PHC2: variants seen among roughly 807,000 people sequenced by gnomAD.
PHC2 encodes polyhomeotic-like protein 2.
Under a neutral mutation model 87.4 loss-of-function variants are expected in PHC2, and 29 were observed. The ratio of observed to expected loss-of-function variants is 0.33; its 90% CI spans 0.25 to 0.45. PHC2 has a LOEUF of 0.45. Ranked by LOEUF, PHC2 falls within the 20% of genes least tolerant of loss-of-function variation. PHC2 has a pLI of 1.00. For missense variants in PHC2, 857 were observed against 1,136.7 expected (o/e 0.75, Z 3.54); for synonymous variants, 438 against 461.7 (o/e 0.95, Z 0.66).
At position 33,382,021 on chromosome 1, in the gene PHC2, C is replaced by T. The variant is rs1648518293; in HGVS notation, c.-54-6428G>A. On this transcript the variant is annotated intron_variant, in intron 1 of 14. Transcript: ENST00000683057. This position sits in a 1 kb window ranked among gnomAD's most constrained non-coding sequence, Gnocchi z 4.3. ...TGCCCGCATGGTGGTGGTGACTTAT[C>T]AACGAGAGAGGTGAAGTTTGCCCTG... is the stretch of plus-strand genomic sequence containing the variant. 6.6e-6 allele frequency among the ~76,000 whole-genome samples: 1 copy of T among 152,014 alleles called. No individual in the cohort carries two copies. Among genetic ancestry groups the T allele is most frequent in the African/African-American group, 2.4e-5 (1 of 41,356 alleles).
chr1:33,343,738 G>GC (rs1347883071), intron 9 of PHC2, among the ~76,000 whole-genome samples: 2 of 152,146 alleles, frequency 1.3e-5, no homozygotes, highest in African/African-American at 4.8e-5. Context: ...GCCTCTTACA[G>GC]CCCCAGAGCA....
chr1:33,408,425 T>C (rs1175882544), intron 1 of PHC2, among the ~76,000 whole-genome samples: 2 of 150,026 alleles, frequency 1.3e-5, no homozygotes, highest in African/African-American at 5.0e-5. Flanking sequence ...GAAGATTAGA[T>C]ACCCTTTCTG....
chr1:33,416,455 A>C (rs1393423667), intron 1 of PHC2, among the ~76,000 whole-genome samples: 3 of 151,864 alleles, frequency 2.0e-5, no homozygotes, highest in Admixed American at 2.0e-4. Flanking sequence ...AGGCACCTGT[A>C]GTCCCAGCTA....
At chr1:33,393,004 ACATGCT>A (rs1649134117) in intron 1 of PHC2, among the ~76,000 whole-genome samples, 2 of 152,170 alleles carry the variant, frequency 1.3e-5, no homozygotes, top group African/African-American at 4.8e-5. Context: ...GAAGCCAGGC[ACATGCT>A]TCAGATAGCA....
At chr1:33,415,969 A>T (rs1650185116) in intron 1 of PHC2, among the ~76,000 whole-genome samples, 1 of 152,144 alleles carries the variant, frequency 6.6e-6, no homozygotes. Context: ...TGAGGCACAG[A>T]GACACAGGAG....
intron 1 of PHC2, among the ~76,000 whole-genome samples, chr1:33,414,151 G>A (rs1650100101): frequency 6.8e-6 from 1 of 146,530 alleles, no homozygotes. Flanking sequence ...CATGCATCAT[G>A]TTTACATATG....
chr1:33,378,818 A>G (rs1324729345), intron 1 of PHC2, among the ~76,000 whole-genome samples: 1 of 152,044 alleles, frequency 6.6e-6, no homozygotes, highest in Non-Finnish European at 1.5e-5. Flanking sequence ...TGGAAAAATA[A>G]TATTTATTTG....
chr1:33,394,566 T>TTTA (rs903744530), intron 1 of PHC2, among the ~76,000 whole-genome samples: 32 of 152,194 alleles, frequency 2.1e-4, no homozygotes, highest in African/African-American at 7.5e-4. Context: ...ATGTTTTTAT[T>TTTA]TTATTATTAT....
intron 1 of PHC2, among the ~76,000 whole-genome samples, chr1:33,416,078 G>C (rs1042612896): frequency 6.6e-6 from 1 of 152,162 alleles, no homozygotes; most frequent in African/African-American, 2.4e-5. Flanking sequence ...GAGATGTGGG[G>C]AGGAAGGGAA....
rs78590355 is a variant in PHC2, at chr1:33,324,456, G to A, written c.*409C>T. 6.4e-3 allele frequency: 1,022 copies of A among 158,648 alleles called. 26 individuals carry two copies. The highest frequency in any genetic ancestry group is 0.023 in the African/African-American group (946 of 41,858). The allele number at this position is 158,648 out of a possible 1,614,324, so 9.8% of individuals were successfully genotyped here. A position where few individuals can be genotyped will look rare whatever the true frequency, so the allele number is the denominator to read the frequency against. ...ACCAGGCCTGGAGAAAGAAGTGGGA[G>A]GAAGGAAGGCAAGGGCTTTCTAGGC... On this transcript the variant is annotated 3_prime_UTR_variant, in exon 15 of 15. Coordinates refer to ENST00000683057, the MANE Select transcript of PHC2 (RefSeq NM_001385109.1).
rs150545597 is a variant in PHC2 at position 33,335,908 on chromosome 1, A to AG, written c.1559-1617dup. Reference sequence around the variant, plus strand: ...GAGCAAGACTCTATCTTGGGGGGGGAGGGGGGGAAAGAAAAGATGGTTTAT... The same window carrying AG: ...GAGCAAGACTCTATCTTGGGGGGGGAGGGGGGGGAAAGAAAAGATGGTTTAT... On this transcript the variant is annotated intron_variant, in intron 9 of 14. Coordinates refer to ENST00000683057, the MANE Select transcript of PHC2 (RefSeq NM_001385109.1). Among the ~76,000 whole-genome samples the AG allele has an allele frequency of 6.7e-3, 850 of 126,428 alleles. 9 individuals carry two copies. Among genetic ancestry groups the AG allele is most frequent in the African/African-American group, 0.024 (785 of 32,312 alleles). 82.9% of individuals were successfully genotyped at this position (126,428 alleles called of 152,430 possible).
At chr1:33,329,941 T>C in intron 13 of PHC2, 130 bp downstream of exon 13, 4 of 1,000,294 alleles carry the variant, frequency 4.0e-6, no homozygotes, top group African/African-American at 1.6e-5. Context: ...ACTGGACAGG[T>C]CTACAAGGAA....
intron 1 of PHC2, among the ~76,000 whole-genome samples, chr1:33,421,246 G>A (rs1223614475): frequency 4.6e-5 from 7 of 152,114 alleles, no homozygotes; most frequent in Non-Finnish European, 7.3e-5. Context: ...TACAATTCTG[G>A]TATGCATATC....
At chr1:33,340,283 A>G (rs891381710) in intron 9 of PHC2, among the ~76,000 whole-genome samples, 10 of 152,228 alleles carry the variant, frequency 6.6e-5, no homozygotes, top group Non-Finnish European at 1.2e-4. Context: ...AATGGCAAAC[A>G]AGGTCACCTA....
chr1:33,336,280 C>T (rs1019540646), intron 9 of PHC2, among the ~76,000 whole-genome samples: 31 of 151,994 alleles, frequency 2.0e-4, no homozygotes, highest in African/African-American at 5.6e-4. Flanking sequence ...TGAGCCACCG[C>T]GCCCAGCCTC....
chr1:33,348,239 A>G (rs1570468573), intron 9 of PHC2, among the ~76,000 whole-genome samples: 2 of 151,686 alleles, frequency 1.3e-5, no homozygotes, highest in Non-Finnish European at 2.9e-5. Context: ...ATCCTAATCA[A>G]TAGGGTCTGC....
intron 14 of PHC2, among the ~76,000 whole-genome samples, chr1:33,328,599 T>C (rs2148186827): frequency 6.6e-6 from 1 of 152,268 alleles, no homozygotes; most frequent in South Asian, 2.1e-4. Flanking sequence ...AGAGAGACAG[T>C]TAATTACATT....
Position 33,349,913 on chromosome 1 carries a change from C to A in PHC2, c.1558+4488G>T. 1 of 955,804 alleles carries A rather than the reference C, an allele frequency of 1.0e-6. No individual in the cohort carries two copies. 59.2% of individuals were successfully genotyped at this position (955,804 alleles called of 1,614,324 possible). A position where few individuals can be genotyped will look rare whatever the true frequency, so the allele number is the denominator to read the frequency against. On this transcript the variant is annotated intron_variant, in intron 9 of 14. Coordinates refer to ENST00000683057, the MANE Select transcript of PHC2 (RefSeq NM_001385109.1). The surrounding 1 kb of genome is among the most constrained non-coding windows in gnomAD (Gnocchi z 4.2). ...CGGAGACAATGCGGCGAGTCTGGGA[C>A]GGCTCCCGCGGCCGCCTCCGCCGGG...
intron 1 of PHC2, among the ~76,000 whole-genome samples, chr1:33,387,694 CAGGTGT>C (rs1648834738): frequency 1.3e-5 from 2 of 152,206 alleles, no homozygotes; most frequent in Non-Finnish European, 2.9e-5. Flanking sequence ...TAGCAAATGG[CAGGTGT>C]AGGATCGGAA....
Sources: gnomAD v4.1 joint callset for allele counts (sites outside exome capture counted in the v4.1 genomes callset) on GRCh38, gnomAD v4.1.1 for gene constraint, Gnocchi (gnomAD v3.1) non-coding constraint, MANE v1.5 for transcripts, NCBI Gene and HGNC (gene_info 2026-07-23, HGNC 2026-07-21) for gene names.